The following TTC28 variants were observed in gnomAD, a reference collection of about 807,000 sequenced individuals.
The protein encoded by TTC28 is tetratricopeptide repeat protein 28.
In TTC28, 61 loss-of-function variants were observed where a neutral mutation model predicts 198.0. The observed-to-expected ratio is 0.31, with a 90% confidence interval of 0.25 to 0.38. TTC28 has a LOEUF of 0.38. Among genes scored for constraint, TTC28 ranks in the 10% least tolerant of loss-of-function variants. The pLI, the probability that TTC28 is intolerant of heterozygous loss-of-function variation, is 1.00. For missense variants in TTC28, 2,678 were observed against 3,164.0 expected (o/e 0.85, Z 3.69); for synonymous variants, 1,171 against 1,297.8 (o/e 0.90, Z 2.10).
chr22:27,989,881 G>A lies in TTC28; in HGVS notation c.5704C>T (p.Leu1902=), dbSNP rs181049098. 1.2e-4 allele frequency: 193 copies of A among 1,550,620 alleles called. No homozygotes were observed. The highest frequency in any genetic ancestry group is 1.6e-4 in the Non-Finnish European group (186 of 1,146,344). The change falls in exon 21 of 23, where the codon CTA becomes TTA. Residue 1902 remains leucine, a synonymous_variant. Coordinates refer to ENST00000397906, the MANE Select transcript of TTC28 (RefSeq NM_001145418.2). ...LPGCHEFLAA[L]GFDLCEVGQE... Reference sequence around the variant, plus strand: ...AAGTCAAGGATTCTCTGCCTACCTAGAGCTGCCAGGAACTCGTGGCATCCC... The same window carrying A: ...AAGTCAAGGATTCTCTGCCTACCTAAAGCTGCCAGGAACTCGTGGCATCCC...
intron 3 of TTC28, chr22:28,303,903 CG>C (rs1287482710): frequency 6.7e-6 from 1 of 150,230 alleles, no homozygotes; most frequent in Non-Finnish European, 1.5e-5. Flanking sequence ...ACAGATCAGA[CG>C]TATATGTAAA....
At chr22:28,329,067 A>G (rs941547469) in intron 2 of TTC28, among the ~76,000 whole-genome samples, 4 of 152,174 alleles carry the variant, frequency 2.6e-5, no homozygotes, top group African/African-American at 4.8e-5. Flanking sequence ...CTCAGGGTAG[A>G]TTGGTTCAAA....
In TTC28 at chr22:28,261,450, C is replaced by T. The variant is rs572692770; in HGVS notation, c.933+34748G>A. On this transcript the variant is annotated intron_variant, in intron 5 of 22. Transcript: ENST00000397906. ...GTTAGAAAGAGAAAAGGAGCTCAAG[C>T]TCCGAAAGGTCTTGTAAGGCCACTC... is the stretch of plus-strand genomic sequence containing the variant. 2.6e-5 allele frequency among the ~76,000 whole-genome samples: 4 copies of T among 152,200 alleles called. No homozygotes were observed. In the South Asian group the frequency reaches 8.3e-4, roughly 32 times the overall value.
intron 2 of TTC28, among the ~76,000 whole-genome samples, chr22:28,556,648 A>T (rs951833379): frequency 1.3e-5 from 2 of 152,194 alleles, no homozygotes; most frequent in African/African-American, 4.8e-5. Flanking sequence ...AAAACAATAA[A>T]CACCTATTAT....
intron 2 of TTC28, among the ~76,000 whole-genome samples, chr22:28,481,974 A>C (rs1189007355): frequency 1.3e-5 from 2 of 152,138 alleles, no homozygotes; most frequent in African/African-American, 4.8e-5. Context: ...GCATTTCTGA[A>C]CTTGACAAGT....
At chr22:28,449,153 T>C (rs919036430) in intron 2 of TTC28, among the ~76,000 whole-genome samples, 1 of 152,218 alleles carries the variant, frequency 6.6e-6, no homozygotes, top group African/African-American at 2.4e-5. Context: ...GCATATTCTC[T>C]CATTAAGTCT....
At chr22:28,572,309 C>T (rs959218949) in intron 2 of TTC28, among the ~76,000 whole-genome samples, 6 of 151,866 alleles carry the variant, frequency 4.0e-5, no homozygotes, top group Middle Eastern at 3.2e-3. Context: ...ACCAACAGAG[C>T]GACACTGTCT....
At chr22:27,985,152 C>T in intron 22 of TTC28, 97 bp downstream of exon 22, 2 of 908,170 alleles carry the variant, frequency 2.2e-6, no homozygotes, top group East Asian at 2.7e-5. Context: ...TGTTGATTCA[C>T]TTTTCTTCTG....
intron 2 of TTC28, among the ~76,000 whole-genome samples, chr22:28,361,637 T>C (rs543970914): frequency 3.0e-4 from 45 of 152,338 alleles, no homozygotes; most frequent in African/African-American, 1.0e-3. Context: ...GTTAAGATCA[T>C]TGATGAAGGT....
intron 12 of TTC28, among the ~76,000 whole-genome samples, chr22:28,040,825 A>G (rs893726084): frequency 1.3e-5 from 2 of 152,220 alleles, no homozygotes; most frequent in African/African-American, 4.8e-5. Context: ...ATGATTGTAT[A>G]TTTAGAAAAC....
At chr22:28,396,706 A>G (rs1371989836) in intron 2 of TTC28, among the ~76,000 whole-genome samples, 1 of 152,210 alleles carries the variant, frequency 6.6e-6, no homozygotes, top group African/African-American at 2.4e-5. Context: ...ATCCCAATTA[A>G]GGAAAATGAA....
intron 14 of TTC28, among the ~76,000 whole-genome samples, chr22:28,013,157 G>A (rs1938225024): frequency 6.6e-6 from 1 of 152,196 alleles, no homozygotes; most frequent in African/African-American, 2.4e-5. Flanking sequence ...GGTTTCCCGG[G>A]GATACATTTC....
rs1937455542 is a variant in TTC28 at position 27,992,586 on chromosome 22, C to A, written c.5553+1G>T. The A allele has an allele frequency of 6.4e-7, 1 of 1,551,358 alleles. No individual in the cohort carries two copies. On this transcript the variant is annotated splice_donor_variant, in intron 19 of 22. Transcript: ENST00000397906. LOFTEE classifies it high-confidence loss of function. ...GGCTCAGCCCTCCAGGCTCGACTTA[C>A]CCGGCTGATGAGCTGCTCGCCCGTC... is the stretch of plus-strand genomic sequence containing the variant.
chr22:28,105,344 C>T lies in TTC28; in HGVS notation c.3242G>A (p.Ser1081Asn), dbSNP rs1177904785. ...NDLAAKTVSY[S>N]SLGRTHHALQ... is the part of the protein sequence containing the mutation. ...GGCATGATGGGTCCTTCCAAGGCTA[C>T]TATATGACACCGTCTTGGCCGCCAA... Residue 1081 changes from serine to asparagine, a missense_variant, in exon 8 of 23, where the codon AGT (serine) becomes AAT (asparagine). This residue lies in a region of TTC28 where 727 missense variants were observed against 861.9 expected (regional missense o/e 0.84). Coordinates refer to ENST00000397906, the MANE Select transcript of TTC28 (RefSeq NM_001145418.2). 2 of 1,551,706 alleles carry T rather than the reference C, an allele frequency of 1.3e-6. No homozygotes were observed. The highest frequency in any genetic ancestry group is 1.2e-5 in the South Asian group (1 of 84,056).
intron 5 of TTC28, among the ~76,000 whole-genome samples, chr22:28,201,390 C>G (rs1208010015): frequency 2.0e-5 from 3 of 152,048 alleles, no homozygotes; most frequent in Admixed American, 2.0e-4. Context: ...GGTCAAAACA[C>G]AGCAAGAAGA....
At chr22:28,349,647 C>A (rs927903494) in intron 2 of TTC28, among the ~76,000 whole-genome samples, 1 of 152,168 alleles carries the variant, frequency 6.6e-6, no homozygotes, top group Non-Finnish European at 1.5e-5. Context: ...TTTCCTCTTA[C>A]ACAAAATAGA....
At chr22:28,636,795 T>C (rs1002379908) in intron 1 of TTC28, among the ~76,000 whole-genome samples, 1 of 152,160 alleles carries the variant, frequency 6.6e-6, no homozygotes, top group African/African-American at 2.4e-5. Context: ...GTATATGATT[T>C]GCAAATATTT....
intron 5 of TTC28, among the ~76,000 whole-genome samples, chr22:28,238,210 T>G (rs779588396): frequency 1.1e-4 from 17 of 152,168 alleles, no homozygotes; most frequent in Non-Finnish European, 1.9e-4. Flanking sequence ...TTCAATTACA[T>G]ATATTCTAGT....
chr22:28,358,597 T>G (rs917687430), intron 2 of TTC28, among the ~76,000 whole-genome samples: 1 of 152,210 alleles, frequency 6.6e-6, no homozygotes, highest in Non-Finnish European at 1.5e-5. Context: ...GGTATGCTAA[T>G]AGTCCCACAA....
Sources: gnomAD v4.1 joint callset for allele counts (sites outside exome capture counted in the v4.1 genomes callset) on GRCh38, gnomAD v4.1.1 for gene constraint, gnomAD v4.1.1 regional missense constraint, MANE v1.5 for transcripts, NCBI Gene and HGNC (gene_info 2026-07-23, HGNC 2026-07-21) for gene names.